Variants in NEK6 observed in about 807,000 individuals in gnomAD.
NEK6 encodes the protein serine/threonine-protein kinase Nek6.
A neutral mutation model predicts 43.5 loss-of-function variants in NEK6; 27 were observed. The observed-to-expected ratio is 0.62, with a 90% CI of 0.46 to 0.86. NEK6 has a LOEUF of 0.86. Among genes scored for constraint, NEK6 ranks in the 40% least tolerant of loss-of-function variants. The pLI is 0.00. For synonymous variants in NEK6, 167 were observed against 164.1 expected, an observed-to-expected ratio of 1.02 and a Z score of -0.14; for missense variants, 318 against 414.4, an observed-to-expected ratio of 0.77 and a Z score of 2.02.
At chr9:124,283,156 G>A (rs545992851) in intron 1 of NEK6, among the ~76,000 whole-genome samples, 2 of 152,360 alleles carry the variant, frequency 1.3e-5, no homozygotes, top group East Asian at 1.9e-4. Flanking sequence ...GAAGTAGGAG[G>A]CACAGTTCCA....
chr9:124,339,722 A>T, intron 8 of NEK6, 57 bp downstream of exon 8: 1 of 1,271,216 alleles, frequency 7.9e-7, no homozygotes, highest in Non-Finnish European at 1.2e-6. Context: ...GGGGGTGCCC[A>T]GTTAGGACAG....
chr9:124,310,966 C>T (rs1014561876), intron 2 of NEK6, among the ~76,000 whole-genome samples: 4 of 152,218 alleles, frequency 2.6e-5, no homozygotes, highest in African/African-American at 9.6e-5. Flanking sequence ...ATTCAGGGTC[C>T]CAGAGTAGGG....
intron 1 of NEK6, among the ~76,000 whole-genome samples, chr9:124,279,592 G>T (rs1453299656): frequency 6.6e-6 from 1 of 152,060 alleles, no homozygotes; most frequent in Non-Finnish European, 1.5e-5. Flanking sequence ...CGTGAGCCAC[G>T]CGCCTGGCCC....
At chr9:124,321,416 G>A (rs532744658) in intron 4 of NEK6, 43 bp from the exon 5 acceptor site, 42 of 1,355,404 alleles carry the variant, frequency 3.1e-5, no homozygotes, top group South Asian at 8.3e-5. Context: ...GGTCTGTCCC[G>A]TCTTCACTTG....
At chr9:124,303,075 A>T (rs981606426) in intron 2 of NEK6, among the ~76,000 whole-genome samples, 3 of 152,222 alleles carry the variant, frequency 2.0e-5, no homozygotes, top group African/African-American at 7.2e-5. Flanking sequence ...GAGCCCAGCA[A>T]GGCACCTGAT....
At chr9:124,345,330 G>A (rs1017825467) in intron 8 of NEK6, among the ~76,000 whole-genome samples, 2 of 152,250 alleles carry the variant, frequency 1.3e-5, no homozygotes, top group African/African-American at 4.8e-5. Context: ...CCATTGCCCT[G>A]ATGAGGGTGG....
chr9:124,347,597 G>A (rs1182146725), intron 8 of NEK6, 112 bp from the exon 9 acceptor site: 14 of 606,026 alleles, frequency 2.3e-5, no homozygotes, highest in South Asian at 5.5e-5. Flanking sequence ...GACTCGCCGC[G>A]GTCGGGACCA....
intron 1 of NEK6, among the ~76,000 whole-genome samples, chr9:124,278,969 C>T (rs1483398100): frequency 6.6e-6 from 1 of 152,198 alleles, no homozygotes; most frequent in Non-Finnish European, 1.5e-5. Context: ...ACAGTCTCAT[C>T]TTCAGTAGAT....
chr9:124,267,612 A>G (rs1470222010), intron 1 of NEK6, among the ~76,000 whole-genome samples: 2 of 152,212 alleles, frequency 1.3e-5, no homozygotes, highest in Non-Finnish European at 2.9e-5. Flanking sequence ...TGGCATTTGG[A>G]AAACATTCTG....
rs1314833651 is a variant in NEK6 at position 124,343,700 on chromosome 9, G to A, written c.718-4009G>A. ...CCTGTGGTGTCTTCCAGGGGCACCA[G>A]CCTGAAGAGCTGTGACAAAGCCCCC... On this transcript the variant is annotated intron_variant, in intron 8 of 9. Coordinates refer to ENST00000320246, the MANE Select transcript of NEK6 (RefSeq NM_014397.6). The surrounding 1 kb of genome is among the most constrained non-coding windows in gnomAD (Gnocchi z 5.1). Among the ~76,000 whole-genome samples, 1 of 152,200 alleles carries A rather than the reference G, an allele frequency of 6.6e-6. No individual in the cohort carries two copies. Among genetic ancestry groups the A allele is most frequent in the Admixed American group, 6.5e-5 (1 of 15,288 alleles).
At chr9:124,313,768 C>T (rs1421045749) in intron 3 of NEK6, among the ~76,000 whole-genome samples, 155 bp from the exon 4 acceptor site, 1 of 151,968 alleles carries the variant, frequency 6.6e-6, no homozygotes, top group Non-Finnish European at 1.5e-5. Context: ...CCACAGTGAG[C>T]AAGCCCTACA....
chr9:124,299,521 A>T (rs1832852274), intron 1 of NEK6, among the ~76,000 whole-genome samples: 2 of 152,106 alleles, frequency 1.3e-5, no homozygotes, highest in Admixed American at 1.3e-4. Flanking sequence ...TCACCTTGGG[A>T]TGTCACCTGC....
chr9:124,292,863 T>C, intron 1 of NEK6: 1 of 1,447,990 alleles, frequency 6.9e-7, no homozygotes, highest in Non-Finnish European at 9.1e-7. Context: ...AGAAGACACA[T>C]GAATTAGAGA....
intron 8 of NEK6, 107 bp downstream of exon 8, chr9:124,339,772 C>T: frequency 2.5e-6 from 2 of 812,326 alleles, no homozygotes; most frequent in South Asian, 2.9e-5. Context: ...CCAGGAATGT[C>T]ACGTCTGCCT....
intron 4 of NEK6, among the ~76,000 whole-genome samples, chr9:124,317,971 G>A (rs1426986800): frequency 3.9e-5 from 6 of 152,148 alleles, no homozygotes; most frequent in African/African-American, 9.7e-5. Context: ...TATGAATAGC[G>A]CCGTGATGGA....
intron 7 of NEK6, among the ~76,000 whole-genome samples, chr9:124,338,609 T>C (rs537275322): frequency 6.6e-6 from 1 of 152,352 alleles, no homozygotes; most frequent in South Asian, 2.1e-4. Context: ...TTCCATCCTG[T>C]TTAAGAGATT....
At chr9:124,327,500 AG>A in intron 7 of NEK6, 55 bp downstream of exon 7, 1 of 1,344,862 alleles carries the variant, frequency 7.4e-7, no homozygotes, top group South Asian at 1.2e-5. Flanking sequence ...GTGACCATGC[AG>A]GGAGACGCAA....
intron 3 of NEK6, 124 bp downstream of exon 3, chr9:124,312,773 A>G (rs977701043): frequency 4.1e-6 from 4 of 975,922 alleles, no homozygotes; most frequent in African/African-American, 3.3e-5. Context: ...CACTCAACTC[A>G]CTGGGTTACA....
At chr9:124,259,606 G>A (rs1417953935) in intron 1 of NEK6, 1 of 151,948 alleles carries the variant, frequency 6.6e-6, no homozygotes, top group Non-Finnish European at 1.5e-5. Context: ...CCCCCATCAA[G>A]GCCAAGCCCT....
Sources: gnomAD v4.1 joint callset for allele counts (sites outside exome capture counted in the v4.1 genomes callset) on GRCh38, gnomAD v4.1.1 for gene constraint, Gnocchi (gnomAD v3.1) non-coding constraint, MANE v1.5 for transcripts, NCBI Gene and HGNC (gene_info 2026-07-23, HGNC 2026-07-21) for gene names.